ADCY7: variants seen among roughly 807,000 people sequenced by gnomAD.
ADCY7 encodes adenylate cyclase type 7.
Under a neutral mutation model 120.6 loss-of-function variants are expected in ADCY7, and 72 were observed. That is an observed-to-expected ratio of 0.60 (90% CI 0.49 to 0.73). The LOEUF (loss-of-function observed/expected upper bound fraction) is 0.73, where lower values mean the gene tolerates loss of function less well. Ranked by LOEUF, ADCY7 falls within the 30% of genes least tolerant of loss-of-function variation. The probability of loss-of-function intolerance (pLI) is 0.00; values close to 1 mark genes in which losing one functional copy is unlikely to be tolerated. For missense variants in ADCY7, 1,227 were observed against 1,486.0 expected, an observed-to-expected ratio of 0.83 and a Z score of 2.87; for synonymous variants, 661 against 628.0, an observed-to-expected ratio of 1.05 and a Z score of -0.78.
chr16:50,251,239 T>TA (rs111486502), intron 1 of ADCY7, among the ~76,000 whole-genome samples: 16 of 143,386 alleles, frequency 1.1e-4, no homozygotes, highest in South Asian at 6.6e-4. Context: ...GACCCTGATT[T>TA]AAAAAAAAAA....
rs569713104 is a variant in ADCY7 at position 50,292,794 on chromosome 16, G to A, written c.656G>A (p.Arg219His). The A allele has an allele frequency of 9.9e-6, 16 of 1,613,664 alleles. No individual in the cohort carries two copies. Among genetic ancestry groups the A allele is most frequent in the African/African-American group, 9.3e-5 (7 of 75,026 alleles). The part of the protein sequence containing the change: ...FTYTVKCIQI[R>H]RKLRIEKRQQ... ...TACACTGTGAAGTGCATCCAGATCC[G>A]CCGGAAGCTGCGCATCGAGAAGCGC... Residue 219 changes from arginine (R) to histidine (H), a missense_variant, in exon 5 of 26, where the codon CGC becomes CAC. Physicochemically the swap from Arg to His is conservative, Grantham distance 29. This residue lies in a region of ADCY7 where 382 missense variants were observed against 411.4 expected (regional missense o/e 0.93). Coordinates refer to ENST00000673801, the MANE Select transcript of ADCY7 (RefSeq NM_001114.5).
intron 15 of ADCY7, 90 bp from the exon 16 acceptor site, chr16:50,308,237 G>A (rs2036208690): frequency 1.0e-6 from 1 of 988,066 alleles, no homozygotes; most frequent in South Asian, 1.8e-5. Context: ...GTAGGGTGGG[G>A]ACAGGTGGCT....
At chr16:50,276,428 G>A (rs2033895986) in intron 1 of ADCY7, among the ~76,000 whole-genome samples, 1 of 152,230 alleles carries the variant, frequency 6.6e-6, no homozygotes, top group Non-Finnish European at 1.5e-5. Context: ...ATGCCATCTA[G>A]ACTGGGGCAT....
chr16:50,314,991 G>T (rs368543953), intron 24 of ADCY7, 23 bp from the exon 25 acceptor site: 117 of 1,613,502 alleles, frequency 7.3e-5, no homozygotes, highest in Non-Finnish European at 9.4e-5. Context: ...GCACGCTTGG[G>T]TAACTGTAAA....
At position 50,304,470 on chromosome 16, in the gene ADCY7, G is replaced by A. The variant is rs200481149; in HGVS notation, c.1479G>A (p.Ala493=). ...CCCGGTACCTCGAGTCCTGGGGGGC[G>A]GCACGGCCCTTTGCACATCTCAACC... is the stretch of plus-strand genomic sequence containing the variant. ...RMTRYLESWG[A]ARPFAHLNHR... Residue 493 remains alanine (A), a synonymous_variant, in exon 11 of 26, where the codon GCG becomes GCA. Coordinates refer to ENST00000673801, the MANE Select transcript of ADCY7 (RefSeq NM_001114.5). 101 of 1,609,104 alleles carry A rather than the reference G, an allele frequency of 6.3e-5. No individual in the cohort carries two copies. The highest frequency in any genetic ancestry group is 1.3e-4 in the East Asian group (6 of 44,784).
Position 50,298,942 on chromosome 16 carries a change from C to T in ADCY7, c.987C>T (p.Cys329=). The T allele has an allele frequency of 6.2e-7, 1 of 1,614,038 alleles. No individual in the cohort carries two copies. Among genetic ancestry groups the T allele is most frequent in the Non-Finnish European group, 8.5e-7 (1 of 1,180,026 alleles). Residue 329 remains cysteine, a synonymous_variant, in exon 8 of 26, where the codon TGC becomes TGT. Coordinates refer to ENST00000673801, the MANE Select transcript of ADCY7 (RefSeq NM_001114.5). ...TGCGAATCAAGATCCTCGGCGACTG[C>T]TACTACTGTGTATCGGGCCTGCCCG... ...ECMRIKILGD[C]YYCVSGLPVS...
chr16:50,248,929 C>T (rs554750389), intron 1 of ADCY7, among the ~76,000 whole-genome samples: 22 of 152,306 alleles, frequency 1.4e-4, no homozygotes, highest in African/African-American at 2.9e-4. Context: ...TCACCTCTTC[C>T]GCTGTGTGTC....
intron 14 of ADCY7, among the ~76,000 whole-genome samples, chr16:50,306,172 C>T (rs968460546): frequency 3.9e-5 from 6 of 152,258 alleles, no homozygotes; most frequent in Admixed American, 3.9e-4. Flanking sequence ...ACCGGCCTTG[C>T]AATGAGACGA....
chr16:50,314,157 G>A (rs1466620404), intron 23 of ADCY7, 95 bp downstream of exon 23: 3 of 1,430,310 alleles, frequency 2.1e-6, no homozygotes, highest in Non-Finnish European at 2.9e-6. Context: ...CTCGTCCTGG[G>A]GGAGGGGCAC....
chr16:50,280,549 ATCTT>A (rs1299287386), intron 1 of ADCY7, among the ~76,000 whole-genome samples: 2 of 151,930 alleles, frequency 1.3e-5, no homozygotes, highest in Non-Finnish European at 2.9e-5. Flanking sequence ...TTAATTTGAG[ATCTT>A]TCTAAGTTTT....
intron 17 of ADCY7, 73 bp downstream of exon 17, chr16:50,308,865 G>T (rs2036259519): frequency 6.6e-7 from 1 of 1,505,930 alleles, no homozygotes. Flanking sequence ...CTACAATGTG[G>T]CCTTAAAAGC....
At chr16:50,283,687 G>A (rs1474098584) in intron 1 of ADCY7, among the ~76,000 whole-genome samples, 2 of 152,190 alleles carry the variant, frequency 1.3e-5, no homozygotes, top group Non-Finnish European at 2.9e-5. Flanking sequence ...TGGGGTGGTC[G>A]TGAGGTGAGA....
intron 18 of ADCY7, chr16:50,310,390 G>A (rs536431488): frequency 1.4e-6 from 2 of 1,434,386 alleles, no homozygotes; most frequent in African/African-American, 2.8e-5. Flanking sequence ...AAAAACTCAG[G>A]GAGGCAGCTT....
chr16:50,274,173 C>T (rs111866564), intron 1 of ADCY7: 14 of 152,204 alleles, frequency 9.2e-5, no homozygotes, highest in African/African-American at 3.1e-4. Context: ...GCCAGGGAAG[C>T]TCTAGAGGCG....
intron 1 of ADCY7, 87 bp from the exon 2 acceptor site, chr16:50,287,825 G>T: frequency 3.8e-6 from 1 of 262,518 alleles, no homozygotes. Flanking sequence ...ACTTGGTGCT[G>T]TGAGGCCTGG....
At chr16:50,249,424 G>A (rs553788334) in intron 1 of ADCY7, among the ~76,000 whole-genome samples, 2 of 150,324 alleles carry the variant, frequency 1.3e-5, no homozygotes, top group African/African-American at 4.9e-5. Flanking sequence ...TGCTCTGGGC[G>A]ACAGAGCAAG....
chr16:50,245,873 C>A (rs535637316), upstream of ADCY7, among the ~76,000 whole-genome samples: 74 of 151,934 alleles, frequency 4.9e-4, 1 homozygote, highest in African/African-American at 1.7e-3. Context: ...CCTGCTGGGA[C>A]GCCTTTCCTT....
chr16:50,315,117 T>A lies in ADCY7; in HGVS notation c.3075T>A (p.Thr1025=). 6.2e-7 allele frequency: 1 copy of A among 1,614,156 alleles called. No homozygotes were observed. The highest frequency in any genetic ancestry group is 1.7e-5 in the Admixed American group (1 of 60,012). Residue 1025 remains threonine (T), a synonymous_variant, in exon 25 of 26, where the codon ACT becomes ACA. Transcript: ENST00000673801. ...ATGTGGCCAGCCGAATGGAAAGCAC[T>A]GGAGAACTTGGGAAAATCCAGGTAA... The part of the protein sequence containing the change: ...TVNVASRMES[T]GELGKIQVTE...
chr16:50,296,610 C>T (rs2035370918), intron 7 of ADCY7, among the ~76,000 whole-genome samples: 1 of 152,084 alleles, frequency 6.6e-6, no homozygotes, highest in Non-Finnish European at 1.5e-5. Flanking sequence ...CCTGCCTCGA[C>T]CTCTCAAAGT....
Sources: allele counts gnomAD v4.1 joint callset (sites outside exome capture counted in the v4.1 genomes callset), GRCh38; gene constraint gnomAD v4.1.1; regional missense constraint gnomAD v4.1.1; transcripts MANE v1.5; gene names NCBI Gene and HGNC (gene_info 2026-07-23, HGNC 2026-07-21).